WWP2: variants seen among roughly 807,000 people sequenced by gnomAD.
WWP2 encodes NEDD4-like E3 ubiquitin-protein ligase WWP2.
A neutral mutation model predicts 121.0 loss-of-function variants in WWP2; 57 were observed. That is an observed-to-expected ratio of 0.47 (90% CI 0.38 to 0.59). The LOEUF is 0.59. WWP2 is among the 20% of genes least tolerant of loss of function. The probability of loss-of-function intolerance (pLI) is 0.00; values close to 1 mark genes in which losing one functional copy is unlikely to be tolerated. For synonymous variants in WWP2, 449 were observed against 441.3 expected, an observed-to-expected ratio of 1.02 and a Z score of -0.22; for missense variants, 962 against 1,158.9, an observed-to-expected ratio of 0.83 and a Z score of 2.47.
chr16:69,780,049 G>A (rs1019018513), intron 1 of WWP2, among the ~76,000 whole-genome samples: 1 of 152,174 alleles, frequency 6.6e-6, no homozygotes, highest in Non-Finnish European at 1.5e-5. Flanking sequence ...ATACAGTTGA[G>A]GTTCCTTTGG....
intron 6 of WWP2, among the ~76,000 whole-genome samples, chr16:69,862,815 T>A (rs2057449416): frequency 7.1e-6 from 1 of 140,074 alleles, no homozygotes; most frequent in Non-Finnish European, 1.5e-5. Flanking sequence ...GGCCTCGACC[T>A]CCCCAGCTCA....
At chr16:69,869,033 C>T (rs947285624) in intron 6 of WWP2, among the ~76,000 whole-genome samples, 4 of 152,128 alleles carry the variant, frequency 2.6e-5, no homozygotes, top group East Asian at 1.9e-4. Context: ...GGATTATAAG[C>T]GCTCACCACC....
intron 9 of WWP2, among the ~76,000 whole-genome samples, chr16:69,917,082 T>C (rs2058489626): frequency 6.6e-6 from 1 of 152,206 alleles, no homozygotes; most frequent in Admixed American, 6.5e-5. Flanking sequence ...GCACCTTATA[T>C]CAGGTGAGTT....
chr16:69,820,844 A>G (rs1173895881), intron 4 of WWP2, among the ~76,000 whole-genome samples: 1 of 152,100 alleles, frequency 6.6e-6, no homozygotes, highest in Non-Finnish European at 1.5e-5. Flanking sequence ...ACACACACAC[A>G]CACACACACA....
chr16:69,883,592 G>A (rs537584141), intron 7 of WWP2, among the ~76,000 whole-genome samples: 1 of 152,162 alleles, frequency 6.6e-6, no homozygotes, highest in East Asian at 1.9e-4. Context: ...AAGTTCCGGG[G>A]TACGTGTACA....
At chr16:69,773,266 C>T (rs888891351) in intron 1 of WWP2, among the ~76,000 whole-genome samples, 1 of 151,910 alleles carries the variant, frequency 6.6e-6, no homozygotes, top group African/African-American at 2.4e-5. Context: ...GCAACCTTCG[C>T]CTCCCAGGTT....
At chr16:69,767,366 A>T (rs1321809812) in intron 1 of WWP2, among the ~76,000 whole-genome samples, 1 of 152,190 alleles carries the variant, frequency 6.6e-6, no homozygotes, top group Non-Finnish European at 1.5e-5. Flanking sequence ...AATGAAAGAG[A>T]TGGCCATTTG....
At chr16:69,906,609 G>A (rs1353699381) in intron 8 of WWP2, among the ~76,000 whole-genome samples, 1 of 152,206 alleles carries the variant, frequency 6.6e-6, no homozygotes, top group Non-Finnish European at 1.5e-5. Flanking sequence ...AAACCATAGA[G>A]GGTAGGCACG....
chr16:69,816,923 C>T (rs1330415064), intron 4 of WWP2, among the ~76,000 whole-genome samples: 1 of 152,112 alleles, frequency 6.6e-6, no homozygotes, highest in African/African-American at 2.4e-5. Context: ...GTAACTTGTC[C>T]AAAGTTGTCC....
intron 8 of WWP2, chr16:69,895,215 G>A (rs969173673): frequency 6.6e-6 from 1 of 152,212 alleles, no homozygotes; most frequent in East Asian, 1.9e-4. Flanking sequence ...GAGCTTCTCT[G>A]CTAAGTTATA....
At position 69,940,042 on chromosome 16, in the gene WWP2, G is replaced by A. The variant is rs142551098; in HGVS notation, c.*102G>A. 1.4e-3 allele frequency: 1,231 copies of A among 901,632 alleles called. 9 individuals are homozygous for A. In the African/African-American group the frequency reaches 0.017, roughly 13 times the overall value. The allele number at this position is 901,632 out of a possible 1,614,324, so 55.9% of individuals were successfully genotyped here. Reference sequence around the variant, plus strand: ...CAGCCCTTGGGAGGCCCCCGTGGATGTGGCCCTGTGTGGGACCACACTGTC... The same window carrying A: ...CAGCCCTTGGGAGGCCCCCGTGGATATGGCCCTGTGTGGGACCACACTGTC... On this transcript the variant is annotated 3_prime_UTR_variant, in exon 24 of 24. Transcript: ENST00000359154.
chr16:69,872,167 T>C (rs2057652396), intron 7 of WWP2, among the ~76,000 whole-genome samples: 1 of 152,158 alleles, frequency 6.6e-6, no homozygotes, highest in Non-Finnish European at 1.5e-5. Context: ...AAAATACTCA[T>C]TTGCACAGAA....
intron 1 of WWP2, among the ~76,000 whole-genome samples, chr16:69,786,712 A>G (rs1222706175): frequency 6.6e-6 from 1 of 152,014 alleles, no homozygotes; most frequent in Non-Finnish European, 1.5e-5. Context: ...CGGCCTCCCA[A>G]AGTGCTGGAA....
chr16:69,778,078 T>TATATA (rs2055574539), intron 1 of WWP2, among the ~76,000 whole-genome samples: 1 of 145,490 alleles, frequency 6.9e-6, no homozygotes, highest in African/African-American at 2.5e-5. Flanking sequence ...CTCAAATATA[T>TATATA]ATATATATAT....
rs566290302 is a variant in WWP2, at chr16:69,930,357, C to A, written c.1445+99C>A. ...CCCACTTTGGGTGGCCCCTGTGGTG[C>A]GTTCTACTGCCCTTACTGCCCTCTA... On this transcript the variant is annotated intron_variant, in intron 13 of 23. Transcript: ENST00000359154. The A allele has an allele frequency of 3.9e-6, 6 of 1,534,850 alleles. No homozygotes were observed. The African/African-American group carries it at 6.9e-5, about 18-fold the overall frequency.
At chr16:69,836,288 C>T (rs1473342620) in intron 4 of WWP2, among the ~76,000 whole-genome samples, 1 of 57,630 alleles carries the variant, frequency 1.7e-5, no homozygotes, top group East Asian at 2.9e-4. Flanking sequence ...CTCCATCCTG[C>T]CTCCTTTTTT....
chr16:69,908,492 G>A (rs1171087915), intron 8 of WWP2, among the ~76,000 whole-genome samples: 4 of 152,216 alleles, frequency 2.6e-5, no homozygotes, highest in African/African-American at 9.6e-5. Context: ...ATATATTCCT[G>A]TCAGTCATTT....
chr16:69,778,328 G>A (rs952472461), intron 1 of WWP2, among the ~76,000 whole-genome samples: 3 of 151,384 alleles, frequency 2.0e-5, no homozygotes, highest in African/African-American at 7.3e-5. Context: ...GTAACCTTTA[G>A]TTATATTTTA....
chr16:69,921,973 C>T (rs1372499419), intron 10 of WWP2, among the ~76,000 whole-genome samples: 1 of 150,912 alleles, frequency 6.6e-6, no homozygotes, highest in African/African-American at 2.4e-5. Context: ...ACTTGGGAGG[C>T]TGAGGCAGGA....
Sources: allele counts gnomAD v4.1 joint callset (sites outside exome capture counted in the v4.1 genomes callset), GRCh38; gene constraint gnomAD v4.1.1; transcripts MANE v1.5; gene names NCBI Gene and HGNC (gene_info 2026-07-23, HGNC 2026-07-21).